The following MYZAP variants were observed in gnomAD, a reference collection of about 807,000 sequenced individuals.
The protein encoded by MYZAP is GRINL1A complex locus upstream.
Under a neutral mutation model 69.4 loss-of-function variants are expected in MYZAP, and 66 were observed. The ratio of observed to expected loss-of-function variants is 0.95; its 90% CI spans 0.78 to 1.17. The LOEUF (loss-of-function observed/expected upper bound fraction) is 1.17. Ranked by LOEUF, MYZAP falls within the 50% of genes most tolerant of loss-of-function variation. MYZAP has a pLI of 0.00. For synonymous variants in MYZAP, 256 were observed against 205.9 expected (o/e 1.24, Z -2.09); for missense variants, 611 against 556.2 (o/e 1.10, Z -0.99).
rs2140444748 is a variant in MYZAP, at chr15:57,633,761, C to G, written c.933+20C>G. ...GAAAAGGTAGGACACAGCGTTGGGC[C>G]TATTGCCCACTTGCCCAAACTTTTC... On this transcript the variant is annotated intron_variant, in intron 8 of 12. Transcript: ENST00000267853. 2.0e-6 allele frequency: 3 copies of G among 1,516,024 alleles called. No individual in the cohort carries two copies. The East Asian group carries it at 7.2e-5, about 36-fold the overall frequency. The allele number at this position is 1,516,024 out of a possible 1,614,324, so 93.9% of individuals were successfully genotyped here. A position where few individuals can be genotyped will look rare whatever the true frequency, so the allele number is the denominator to read the frequency against.
At chr15:57,643,250 C>T (rs1186566076) in intron 10 of MYZAP, among the ~76,000 whole-genome samples, 1 of 152,196 alleles carries the variant, frequency 6.6e-6, no homozygotes, top group Non-Finnish European at 1.5e-5. Context: ...GCACCCGCTC[C>T]GTGCTGGGGC....
rs547956636 is a variant in MYZAP, at chr15:57,622,464, G to A, written c.411+764G>A. Among the ~76,000 whole-genome samples the A allele has an allele frequency of 5.3e-5, 8 of 152,000 alleles. No homozygotes were observed. The East Asian group carries it at 1.5e-3, about 29-fold the overall frequency. On this transcript the variant is annotated intron_variant, in intron 4 of 12. Transcript: ENST00000267853. ...AATAAAAAGATTGGGAAAATAATGG[G>A]AAAAAAGAGCAACGAGAGGGAGTAG...
intron 10 of MYZAP, among the ~76,000 whole-genome samples, chr15:57,642,771 A>G (rs757541902): frequency 1.4e-5 from 2 of 140,212 alleles, no homozygotes; most frequent in African/African-American, 2.7e-5. Context: ...ATTTTATCAT[A>G]GTAATAATAA....
At chr15:57,668,003 T>C (rs1164670582) in intron 11 of MYZAP, among the ~76,000 whole-genome samples, 7 of 152,190 alleles carry the variant, frequency 4.6e-5, no homozygotes, top group African/African-American at 1.7e-4. Context: ...TGGATTTCCA[T>C]TTAGTGGGAA....
chr15:57,631,465 G>GA (rs58374321), intron 6 of MYZAP, among the ~76,000 whole-genome samples: 24 of 149,578 alleles, frequency 1.6e-4, no homozygotes, highest in African/African-American at 5.7e-4. Context: ...CCCAAATTGG[G>GA]AAAAAAAAAA....
At chr15:57,655,041 GAAAA>G (rs1188329492) in intron 10 of MYZAP, among the ~76,000 whole-genome samples, 1 of 152,094 alleles carries the variant, frequency 6.6e-6, no homozygotes, top group Admixed American at 6.5e-5. Context: ...TAGTACAAGG[GAAAA>G]AAGTCAACTA....
intron 5 of MYZAP, among the ~76,000 whole-genome samples, chr15:57,626,166 G>A (rs1378701002): frequency 1.3e-5 from 2 of 152,080 alleles, no homozygotes; most frequent in Non-Finnish European, 2.9e-5. Flanking sequence ...CCAGATACCC[G>A]AGTGGTCCTC....
chr15:57,615,438 C>G (rs1272396772), intron 2 of MYZAP, among the ~76,000 whole-genome samples: 1 of 152,218 alleles, frequency 6.6e-6, no homozygotes, highest in Non-Finnish European at 1.5e-5. Flanking sequence ...GTTTTCCCTG[C>G]TCCGTGGCGG....
At chr15:57,596,207 A>C (rs895699803) in intron 1 of MYZAP, among the ~76,000 whole-genome samples, 1 of 152,182 alleles carries the variant, frequency 6.6e-6, no homozygotes, top group African/African-American at 2.4e-5. Context: ...CTCTGGGGGC[A>C]CTGATGGAGT....
At chr15:57,617,832 C>T (rs750886959) in intron 2 of MYZAP, among the ~76,000 whole-genome samples, 2 of 152,140 alleles carry the variant, frequency 1.3e-5, no homozygotes, top group Non-Finnish European at 2.9e-5. Context: ...GCTCTTCCTC[C>T]GGGGTAAAAG....
intron 12 of MYZAP, among the ~76,000 whole-genome samples, chr15:57,684,042 C>CCT: frequency 6.6e-6 from 1 of 152,088 alleles, no homozygotes; most frequent in East Asian, 1.9e-4. Context: ...GATCCCCCTG[C>CCT]CTCGGCCTTC....
chr15:57,609,141 A>G (rs2140350855), intron 2 of MYZAP, among the ~76,000 whole-genome samples: 1 of 152,352 alleles, frequency 6.6e-6, no homozygotes, highest in East Asian at 1.9e-4. Flanking sequence ...ACACAGAGAA[A>G]TGAGGTTGAG....
At chr15:57,629,264 T>C (rs1390946571) in intron 5 of MYZAP, among the ~76,000 whole-genome samples, 2 of 152,216 alleles carry the variant, frequency 1.3e-5, no homozygotes, top group Non-Finnish European at 2.9e-5. Flanking sequence ...GATTTCCTCC[T>C]GGTCTTTTTC....
intron 2 of MYZAP, among the ~76,000 whole-genome samples, chr15:57,613,076 C>A (rs772797946): frequency 6.6e-6 from 1 of 152,026 alleles, no homozygotes; most frequent in Non-Finnish European, 1.5e-5. Context: ...GGACTACAGG[C>A]GCCTGCCACC....
At chr15:57,601,477 A>G (rs1193425412) in intron 1 of MYZAP, among the ~76,000 whole-genome samples, 1 of 152,164 alleles carries the variant, frequency 6.6e-6, no homozygotes, top group South Asian at 2.1e-4. Context: ...GCCTGGAGCC[A>G]GAGAGTTGCC....
intron 1 of MYZAP, among the ~76,000 whole-genome samples, chr15:57,601,660 C>G (rs1347746152): frequency 6.6e-6 from 1 of 152,078 alleles, no homozygotes; most frequent in Non-Finnish European, 1.5e-5. Flanking sequence ...CCCTGGGGGT[C>G]AGGCCACATC....
At chr15:57,633,815 C>T (rs924244490) in intron 8 of MYZAP, 74 bp downstream of exon 8, 4 of 1,358,862 alleles carry the variant, frequency 2.9e-6, no homozygotes, top group Non-Finnish European at 3.8e-6. Context: ...ATACGAGAGG[C>T]CCTGGATATG....
In MYZAP at chr15:57,632,548, G is replaced by A. The variant is rs767486489; in HGVS notation, c.793G>A (p.Glu265Lys). Residue 265 changes from glutamate to lysine, a missense_variant, in exon 7 of 13, where the codon GAG becomes AAG. Glu to Lys is a moderately conservative substitution (Grantham distance 56, BLOSUM62 1). Transcript: ENST00000267853. ...EEQRKHSAEK[E>K]ALLEETNSFL... Reference sequence around the variant, plus strand: ...ACAGAGGAAGCACAGTGCTGAGAAGGAGGCTCTTTTGGTGTGTGTGTTGTA... The same window carrying A: ...ACAGAGGAAGCACAGTGCTGAGAAGAAGGCTCTTTTGGTGTGTGTGTTGTA... 1.9e-6 allele frequency: 3 copies of A among 1,614,002 alleles called. No individual in the cohort carries two copies. The African/African-American group carries it at 4.0e-5, about 22-fold the overall frequency.
chr15:57,679,376 T>G lies in MYZAP; in HGVS notation c.1304+4308T>G, dbSNP rs66491854. On this transcript the variant is annotated intron_variant, in intron 12 of 12. Transcript: ENST00000267853. Reference sequence around the variant, plus strand: ...TGTGTGTGTGTGTGTGTGTGTGTGTTTCTCTCTCTCTCTCTCTCTGTCTCC... The same window carrying G: ...TGTGTGTGTGTGTGTGTGTGTGTGTGTCTCTCTCTCTCTCTCTCTGTCTCC... Among the ~76,000 whole-genome samples the G allele has an allele frequency of 5.0e-3, 679 of 135,828 alleles. 8 individuals carry two copies. Among genetic ancestry groups the G allele is most frequent in the African/African-American group, 0.016 (549 of 33,492 alleles). 89.1% of individuals were successfully genotyped at this position (135,828 alleles called of 152,430 possible).
Sources: allele counts gnomAD v4.1 joint callset (sites outside exome capture counted in the v4.1 genomes callset), GRCh38; gene constraint gnomAD v4.1.1; transcripts MANE v1.5; gene names NCBI Gene and HGNC (gene_info 2026-07-23, HGNC 2026-07-21).